Variants in PBX1 observed in about 807,000 individuals in gnomAD.
PBX1 encodes the protein pre-B-cell leukemia transcription factor 1.
In PBX1, 6 loss-of-function variants were observed where a neutral mutation model predicts 53.4. The ratio of observed to expected loss-of-function variants is 0.11; its 90% CI spans 0.06 to 0.22. PBX1 has a LOEUF of 0.22. PBX1 is among the 10% of genes least tolerant of loss of function. The pLI is 1.00. For synonymous variants in PBX1, 204 were observed against 212.3 expected (o/e 0.96, Z 0.34); for missense variants, 251 against 551.4 (o/e 0.46, Z 5.46).
At chr1:164,690,845 C>T (rs1033679367) in intron 2 of PBX1, among the ~76,000 whole-genome samples, 4 of 151,608 alleles carry the variant, frequency 2.6e-5, no homozygotes, top group Admixed American at 2.6e-4. Context: ...AGGAATCATC[C>T]CCCTGTTTTA....
chr1:164,848,087 T>G lies in PBX1; in HGVS notation c.*1411T>G. 1 of 1,052,542 alleles carries G rather than the reference T, an allele frequency of 9.5e-7. No individual in the cohort carries two copies. The highest frequency in any genetic ancestry group is 1.1e-6 in the Non-Finnish European group (1 of 871,280). 65.2% of individuals were successfully genotyped at this position (1,052,542 alleles called of 1,614,324 possible). A position where few individuals can be genotyped will look rare whatever the true frequency, so the allele number is the denominator to read the frequency against. On this transcript the variant is annotated 3_prime_UTR_variant, in exon 9 of 9. Coordinates refer to ENST00000420696, the MANE Select transcript of PBX1 (RefSeq NM_002585.4). The stretch of plus-strand genomic sequence containing the variant: ...GAGTTGTATAAGAACGTGGCTCATG[T>G]GAACTTTTGCTAGCTTCATTTGAGG...
downstream of PBX1, among the ~76,000 whole-genome samples, chr1:164,853,138 C>T (rs1214804125): frequency 2.0e-5 from 3 of 152,180 alleles, no homozygotes; most frequent in African/African-American, 7.2e-5. Context: ...TGTGGCTCAT[C>T]CATCCTCCAA....
intron 2 of PBX1, among the ~76,000 whole-genome samples, chr1:164,627,586 G>A (rs1193880976): frequency 6.6e-6 from 1 of 152,156 alleles, no homozygotes; most frequent in African/African-American, 2.4e-5. Flanking sequence ...TCTCTTGAAG[G>A]AAGCCTCAAG....
intron 2 of PBX1, among the ~76,000 whole-genome samples, chr1:164,686,993 C>T (rs1160555366): frequency 2.6e-5 from 4 of 151,562 alleles, no homozygotes; most frequent in African/African-American, 4.9e-5. Context: ...AAAAACAAAA[C>T]CAAATGAGTG....
intron 2 of PBX1, among the ~76,000 whole-genome samples, chr1:164,737,458 T>C (rs1056914456): frequency 6.6e-6 from 1 of 152,106 alleles, no homozygotes; most frequent in Non-Finnish European, 1.5e-5. Context: ...ATTTTTATTT[T>C]ATTTTACTTG....
chr1:164,590,414 C>G (rs1202790707), intron 2 of PBX1: 1 of 455,914 alleles, frequency 2.2e-6, no homozygotes, highest in Non-Finnish European at 4.4e-6. Flanking sequence ...TCCCAATCGC[C>G]GCCGCCCCCC....
At chr1:164,873,409 T>A (rs950346669) in intron 2 of PBX1, among the ~76,000 whole-genome samples, 6 of 152,228 alleles carry the variant, frequency 3.9e-5, no homozygotes, top group African/African-American at 1.4e-4. Flanking sequence ...TGCCGTTCCA[T>A]GAGCCCCCTT....
intron 2 of PBX1, among the ~76,000 whole-genome samples, chr1:164,739,327 C>T (rs989781184): frequency 2.6e-5 from 4 of 152,218 alleles, no homozygotes; most frequent in Middle Eastern, 3.4e-3. Context: ...TCAAGAAATA[C>T]GTGGTTGTGG....
intron 2 of PBX1, among the ~76,000 whole-genome samples, chr1:164,663,129 C>T (rs1364076478): frequency 2.0e-5 from 3 of 152,070 alleles, no homozygotes; most frequent in Non-Finnish European, 2.9e-5. Flanking sequence ...CAAATGGAAG[C>T]GTGCCTACCT....
intron 8 of PBX1, among the ~76,000 whole-genome samples, chr1:164,846,349 C>T (rs541951992): frequency 6.6e-6 from 1 of 152,282 alleles, no homozygotes; most frequent in Admixed American, 6.5e-5. Flanking sequence ...AGTATAAACA[C>T]ATCATACTAG....
chr1:164,622,791 C>T (rs568831947), intron 2 of PBX1, among the ~76,000 whole-genome samples: 1 of 150,836 alleles, frequency 6.6e-6, no homozygotes, highest in South Asian at 2.1e-4. Context: ...CTGACACATG[C>T]TTGCTATACA....
At chr1:164,726,285 C>A (rs1456563541) in intron 2 of PBX1, among the ~76,000 whole-genome samples, 2 of 152,170 alleles carry the variant, frequency 1.3e-5, no homozygotes, top group Non-Finnish European at 2.9e-5. Context: ...AGACTATGGT[C>A]TTTCCCTGCC....
At chr1:164,782,303 C>CA (rs1252986004) in intron 2 of PBX1, among the ~76,000 whole-genome samples, 1 of 152,196 alleles carries the variant, frequency 6.6e-6, no homozygotes, top group Non-Finnish European at 1.5e-5. Flanking sequence ...TGTTTGGCAT[C>CA]AGTGACATCA....
chr1:164,559,838 A>G lies in PBX1; in HGVS notation c.16A>G (p.Arg6Gly), dbSNP rs1652897439. Reference sequence around the variant, plus strand: ...GCCTTTGGAGATGGACGAGCAGCCCAGGCTGATGCATTCCCATGCTGGGGT... The same window carrying G: ...GCCTTTGGAGATGGACGAGCAGCCCGGGCTGATGCATTCCCATGCTGGGGT... MDEQPRLMHSHAGVGM... is the reference protein window; with the variant it reads MDEQPGLMHSHAGVGM... The change falls in exon 1 of 9, where the codon AGG becomes GGG. Residue 6 changes from arginine to glycine, a missense_variant. Transcript: ENST00000420696. 2.6e-6 allele frequency: 4 copies of G among 1,546,412 alleles called. No homozygotes were observed. The highest frequency in any genetic ancestry group is 3.5e-6 in the Non-Finnish European group (4 of 1,144,698).
intron 2 of PBX1, among the ~76,000 whole-genome samples, chr1:164,691,037 C>T (rs536852298): frequency 5.4e-5 from 5 of 92,706 alleles, no homozygotes; most frequent in African/African-American, 1.9e-4. Context: ...TTTTTTGTGA[C>T]AGAGTCTCCC....
rs74121233 is a variant in PBX1, at chr1:164,782,643, G to C, written c.266-9851G>C. ...TGTTCTTTATTTCAAACTTAGTTCT[G>C]ATGAAATTGTTTGGAAAGTTAGAGA... is the stretch of plus-strand genomic sequence containing the variant. On this transcript the variant is annotated intron_variant, in intron 2 of 8. Coordinates refer to ENST00000420696, the MANE Select transcript of PBX1 (RefSeq NM_002585.4). 3.7e-3 allele frequency among the ~76,000 whole-genome samples: 559 copies of C among 152,328 alleles called. 4 individuals are homozygous for C. The highest frequency in any genetic ancestry group is 0.013 in the African/African-American group (537 of 41,564).
At chr1:164,676,317 C>G (rs1323336420) in intron 2 of PBX1, among the ~76,000 whole-genome samples, 5 of 151,914 alleles carry the variant, frequency 3.3e-5, no homozygotes, top group African/African-American at 1.2e-4. Flanking sequence ...ATGTAGTAGG[C>G]ATAGAGTAGG....
Position 164,849,598 on chromosome 1 carries a change from T to C in PBX1, c.*2922T>C. 3 of 779,362 alleles carry C rather than the reference T, an allele frequency of 3.8e-6. No homozygotes were observed. Among genetic ancestry groups the C allele is most frequent in the Non-Finnish European group, 5.9e-6 (3 of 509,666 alleles). The allele number at this position is 779,362 out of a possible 1,614,324, so 48.3% of individuals were successfully genotyped here. A position where few individuals can be genotyped will look rare whatever the true frequency, so the allele number is the denominator to read the frequency against. On this transcript the variant is annotated 3_prime_UTR_variant, in exon 9 of 9. Transcript: ENST00000420696. ...ATTTTCCCCGACAGCGAATTTCCCC[T>C]GAGAAACGATACTAGACCCTGGGTT...
At chr1:164,684,580 C>T (rs904162595) in intron 2 of PBX1, 1 of 152,162 alleles carries the variant, frequency 6.6e-6, no homozygotes, top group Non-Finnish European at 1.5e-5. Flanking sequence ...TTAGATATTT[C>T]TCTGAGTGTT....
Sources: allele counts gnomAD v4.1 joint callset (sites outside exome capture counted in the v4.1 genomes callset), GRCh38; gene constraint gnomAD v4.1.1; transcripts MANE v1.5; gene names NCBI Gene and HGNC (gene_info 2026-07-23, HGNC 2026-07-21).